Variants in LIPN observed in about 807,000 individuals in gnomAD.
LIPN encodes the protein lipase member N.
In LIPN, 32 loss-of-function variants were observed where a neutral mutation model predicts 43.7. The ratio of observed to expected loss-of-function variants is 0.73; its 90% CI spans 0.55 to 0.98. The LOEUF is 0.98. LIPN is among the 50% of genes least tolerant of loss of function. The pLI, the probability that LIPN is intolerant of heterozygous loss-of-function variation, is 0.00. For synonymous variants in LIPN, 156 were observed against 157.6 expected (o/e 0.99, Z 0.08); for missense variants, 505 against 483.8 (o/e 1.04, Z -0.41).
At chr10:88,764,649 C>T (rs1843061887) in intron 4 of LIPN, 41 bp downstream of exon 4, 1 of 1,424,176 alleles carries the variant, frequency 7.0e-7, no homozygotes, top group Non-Finnish European at 9.5e-7. Flanking sequence ...AAATTGGAGG[C>T]AATTTAAAAA....
intron 7 of LIPN, among the ~76,000 whole-genome samples, chr10:88,773,374 A>T (rs1644269442): frequency 6.6e-6 from 1 of 151,924 alleles, no homozygotes; most frequent in African/African-American, 2.4e-5. Flanking sequence ...ATTGCATTTG[A>T]ATATATTGGA....
In LIPN at chr10:88,770,873, T is replaced by C. The variant is rs1293549694; in HGVS notation, c.701T>C (p.Leu234Ser). 3 of 1,531,458 alleles carry C rather than the reference T, an allele frequency of 2.0e-6. No homozygotes were observed. Among genetic ancestry groups the C allele is most frequent in the Non-Finnish European group, 2.6e-6 (3 of 1,132,278 alleles). The allele number at this position is 1,531,458 out of a possible 1,614,324, so 94.9% of individuals were successfully genotyped here. A position where few individuals can be genotyped will look rare whatever the true frequency, so the allele number is the denominator to read the frequency against. The part of the protein sequence containing the change: ...KAVFGTKGFF[L>S]EDKKTKIAST... ...GTTTTTGGTACCAAAGGTTTCTTTTTAGAAGATAAGAAAACGAAGATAGCT... is the reference window on the plus strand; with the variant it reads ...GTTTTTGGTACCAAAGGTTTCTTTTCAGAAGATAAGAAAACGAAGATAGCT... Residue 234 changes from leucine (L) to serine (S), a missense_variant, in exon 7 of 10, where the codon TTA (leucine) becomes TCA (serine). Physicochemically the swap from Leu to Ser is moderately radical, Grantham distance 145. Transcript: ENST00000404459.
At chr10:88,760,229 G>C (rs1198052781) in intron 1 of LIPN, among the ~76,000 whole-genome samples, 123 bp downstream of exon 1, 1 of 151,976 alleles carries the variant, frequency 6.6e-6, no homozygotes, top group Non-Finnish European at 1.5e-5. Flanking sequence ...TCACCTCTTG[G>C]CTCTGTGACC....
Position 88,768,911 on chromosome 10 carries a change from C to T in LIPN, c.655C>T (p.Pro219Ser), listed in dbSNP as rs1487303100. ...CATTTTTACCAGGTTTTTTCTACTTCCAAATTCCATAATCAAGGTAGGCTC... is the reference window on the plus strand; with the variant it reads ...CATTTTTACCAGGTTTTTTCTACTTTCAAATTCCATAATCAAGGTAGGCTC... ...TGIFTRFFLL[P>S]NSIIKAVFGT... is the part of the protein sequence containing the mutation. Residue 219 changes from proline to serine, a missense_variant, in exon 6 of 10, where the codon CCA (proline) becomes TCA (serine). Transcript: ENST00000404459. The T allele has an allele frequency of 6.2e-7, 1 of 1,611,074 alleles. No homozygotes were observed. The highest frequency in any genetic ancestry group is 8.5e-7 in the Non-Finnish European group (1 of 1,178,186).
rs951070044 is a variant in LIPN, at chr10:88,760,059, C to G, written c.-56C>G. Reference sequence around the variant, plus strand: ...TGTCAAAAGCAAAAGTTCAGAAGTTCCTCATCAATAAGGAGTCCTTGTGAG... The same window carrying G: ...TGTCAAAAGCAAAAGTTCAGAAGTTGCTCATCAATAAGGAGTCCTTGTGAG... On this transcript the variant is annotated 5_prime_UTR_variant, in exon 1 of 10. Transcript: ENST00000404459. 2.6e-5 allele frequency among the ~76,000 whole-genome samples: 4 copies of G among 152,042 alleles called. No homozygotes were observed. Among genetic ancestry groups the G allele is most frequent in the African/African-American group, 9.7e-5 (4 of 41,412 alleles).
intron 5 of LIPN, among the ~76,000 whole-genome samples, chr10:88,767,120 C>G (rs1430217075): frequency 6.6e-6 from 1 of 151,916 alleles, no homozygotes; most frequent in East Asian, 1.9e-4. Flanking sequence ...TTGAATTTGT[C>G]ATTGAACTTC....
chr10:88,765,155 A>G (rs937085857), intron 4 of LIPN, among the ~76,000 whole-genome samples: 1 of 152,020 alleles, frequency 6.6e-6, no homozygotes, highest in Non-Finnish European at 1.5e-5. Context: ...GAAAACTCCA[A>G]TATTAGATTT....
chr10:88,759,231 A>G (rs991154019), upstream of LIPN, among the ~76,000 whole-genome samples: 9 of 152,182 alleles, frequency 5.9e-5, no homozygotes, highest in Admixed American at 5.9e-4. Context: ...AAAGGATTTG[A>G]GGATAAATCC....
rs144677645 is a variant in LIPN, at chr10:88,762,883, A to C, written c.226+578A>C. ...ATGGTGTCAATAAGGCTTGAATTCTAGAATGAGGAGCCAGCCATGCCATAG... is the reference window on the plus strand; with the variant it reads ...ATGGTGTCAATAAGGCTTGAATTCTCGAATGAGGAGCCAGCCATGCCATAG... On this transcript the variant is annotated intron_variant, in intron 3 of 9. Transcript: ENST00000404459. Among the ~76,000 whole-genome samples, 510 of 152,226 alleles carry C rather than the reference A, an allele frequency of 3.4e-3. 3 individuals are homozygous for C. The highest frequency in any genetic ancestry group is 0.012 in the African/African-American group (482 of 41,562).
At chr10:88,768,021 C>CAT (rs200512406) in intron 5 of LIPN, among the ~76,000 whole-genome samples, 913 of 56,136 alleles carry the variant, frequency 0.016, 8 homozygotes, top group African/African-American at 0.077. Context: ...TCAGTACACA[C>CAT]ACACACACAC....
intron 6 of LIPN, among the ~76,000 whole-genome samples, chr10:88,770,338 A>C (rs976436331): frequency 6.6e-5 from 10 of 151,880 alleles, no homozygotes; most frequent in Non-Finnish European, 1.3e-4. Context: ...CAGTGTACAC[A>C]TGGGTAACAT....
chr10:88,772,223 T>C (rs572279161), intron 7 of LIPN, among the ~76,000 whole-genome samples: 1 of 152,036 alleles, frequency 6.6e-6, no homozygotes, highest in East Asian at 1.9e-4. Flanking sequence ...GTTCACTTTG[T>C]TGATGGTCTC....
chr10:88,775,199 T>G (rs1219777906), intron 9 of LIPN, 36 bp downstream of exon 9: 1 of 1,392,948 alleles, frequency 7.2e-7, no homozygotes, highest in East Asian at 2.6e-5. Context: ...ATGCTGATTT[T>G]GATAAATTAT....
intron 7 of LIPN, among the ~76,000 whole-genome samples, chr10:88,772,735 A>C (rs1812082879): frequency 1.3e-5 from 2 of 151,712 alleles, no homozygotes; most frequent in Non-Finnish European, 2.9e-5. Context: ...TATTTAGAAA[A>C]ACCTAAAGAC....
chr10:88,772,488 C>A (rs1843225917), intron 7 of LIPN, among the ~76,000 whole-genome samples: 1 of 151,806 alleles, frequency 6.6e-6, no homozygotes, highest in Admixed American at 6.6e-5. Flanking sequence ...CTAGTTTTCC[C>A]AGCATCATTT....
At chr10:88,768,052 ACACACACAC>A (rs1448286804) in intron 5 of LIPN, among the ~76,000 whole-genome samples, 1 of 147,436 alleles carries the variant, frequency 6.8e-6, no homozygotes, top group East Asian at 2.2e-4. Context: ...ACACACACAC[ACACACACAC>A]ATGCCAGTGG....
chr10:88,760,845 C>T (rs1842984766), intron 1 of LIPN, among the ~76,000 whole-genome samples: 2 of 152,126 alleles, frequency 1.3e-5, no homozygotes, highest in South Asian at 2.1e-4. Flanking sequence ...TTTGAATAGA[C>T]ATACTTTTAA....
At chr10:88,768,971 G>C in intron 6 of LIPN, 43 bp downstream of exon 6, 1 of 1,565,410 alleles carries the variant, frequency 6.4e-7, no homozygotes, top group Non-Finnish European at 8.8e-7. Context: ...TCTCATTTTG[G>C]ATCATAAATC....
chr10:88,768,650 T>C (rs575451852), intron 5 of LIPN, 142 bp from the exon 6 acceptor site: 10 of 612,818 alleles, frequency 1.6e-5, no homozygotes, highest in South Asian at 1.4e-4. Context: ...ATTATCTTTA[T>C]AGAATAACTC....
Sources: allele counts gnomAD v4.1 joint callset (sites outside exome capture counted in the v4.1 genomes callset), GRCh38; gene constraint gnomAD v4.1.1; transcripts MANE v1.5; gene names NCBI Gene and HGNC (gene_info 2026-07-23, HGNC 2026-07-21).